PNPLA7: variants seen among roughly 807,000 people sequenced by gnomAD.
PNPLA7 encodes the protein patatin-like phospholipase domain-containing protein 7.
A neutral mutation model predicts 161.7 loss-of-function variants in PNPLA7; 153 were observed. The ratio of observed to expected loss-of-function variants is 0.95; its 90% CI spans 0.83 to 1.08. PNPLA7 has a LOEUF of 1.08. PNPLA7 is among the 50% of genes least tolerant of loss of function. The pLI, the probability that PNPLA7 is intolerant of heterozygous loss-of-function variation, is 0.00. For missense variants in PNPLA7, 1,739 were observed against 1,856.6 expected, an observed-to-expected ratio of 0.94 and a Z score of 1.16; for synonymous variants, 809 against 782.1, an observed-to-expected ratio of 1.03 and a Z score of -0.57.
intron 8 of PNPLA7, among the ~76,000 whole-genome samples, chr9:137,534,042 C>A (rs1436453282): frequency 6.6e-6 from 1 of 150,586 alleles, no homozygotes; most frequent in African/African-American, 2.4e-5. Flanking sequence ...CAGATGGGAG[C>A]ACCCCCAGAC....
At chr9:137,485,100 C>T (rs1832407984) in intron 20 of PNPLA7, among the ~76,000 whole-genome samples, 2 of 152,250 alleles carry the variant, frequency 1.3e-5, no homozygotes, top group African/African-American at 2.4e-5. Context: ...CTTGGTCTCA[C>T]GCCTTCCCCA....
In PNPLA7 at chr9:137,486,040, T is replaced by C. The variant is rs186775334; in HGVS notation, c.2198-1304A>G. On this transcript the variant is annotated intron_variant, in intron 20 of 34. Transcript: ENST00000406427. This position sits in a 1 kb window ranked among gnomAD's most constrained non-coding sequence, Gnocchi z 6.0. Reference sequence around the variant, plus strand: ...CCTGCCCACGAGGGTCTCCTGCATCTAGGTGCCGTGGATGCTCCTCCTCTG... The same window carrying C: ...CCTGCCCACGAGGGTCTCCTGCATCCAGGTGCCGTGGATGCTCCTCCTCTG... Among the ~76,000 whole-genome samples the C allele has an allele frequency of 1.7e-3, 252 of 151,872 alleles. No homozygotes were observed. The highest frequency in any genetic ancestry group is 5.7e-3 in the African/African-American group (235 of 41,394).
Position 137,460,763 on chromosome 9 carries a change from A to C in PNPLA7, c.3842-26T>G, listed in dbSNP as rs1181111598. 2.5e-6 allele frequency: 4 copies of C among 1,595,910 alleles called. No individual in the cohort carries two copies. In the African/African-American group the frequency reaches 4.0e-5, roughly 16 times the overall value. On this transcript the variant is annotated intron_variant, in intron 33 of 34. Transcript: ENST00000406427. ...CTGGCACCGAGGGTAGGGCTGCGTC[A>C]GTCCCCTCCCAAGGAAGGGACCGTA...
chr9:137,480,369 G>A lies in PNPLA7; in HGVS notation c.2523C>T (p.Arg841=), dbSNP rs1452051767. ...TLTPWTQRCV[R]QADCILIVGL... ...CCACGATGAGGATGCAGTCGGCCTG[G>A]CGCACGCAGCGCTGGGTCCAGGGTG... Residue 841 remains arginine (R), a synonymous_variant, in exon 23 of 35, where the codon CGC becomes CGT. Coordinates refer to ENST00000406427, the MANE Select transcript of PNPLA7 (RefSeq NM_001098537.3). The A allele has an allele frequency of 1.2e-6, 2 of 1,613,380 alleles. No homozygotes were observed. The highest frequency in any genetic ancestry group is 2.7e-5 in the African/African-American group (2 of 74,920).
chr9:137,521,215 T>C (rs1834974379), intron 10 of PNPLA7, among the ~76,000 whole-genome samples: 2 of 152,106 alleles, frequency 1.3e-5, no homozygotes, highest in Non-Finnish European at 2.9e-5. Context: ...GGAAGGAGCG[T>C]GTGTGTGGCT....
At chr9:137,521,219 T>G (rs1348105230) in intron 10 of PNPLA7, among the ~76,000 whole-genome samples, 1 of 152,134 alleles carries the variant, frequency 6.6e-6, no homozygotes, top group Non-Finnish European at 1.5e-5. Context: ...GGAGCGTGTG[T>G]GTGGCTGCCG....
chr9:137,500,557 G>T lies in PNPLA7; in HGVS notation c.1757+134C>A, dbSNP rs532660377. 73 of 833,586 alleles carry T rather than the reference G, an allele frequency of 8.8e-5. No homozygotes were observed. The East Asian group carries it at 1.9e-3, about 22-fold the overall frequency. 51.6% of individuals were successfully genotyped at this position (833,586 alleles called of 1,614,324 possible). ...GGCACAGACCTGGGCCCACACAGGT[G>T]CCGGGGACAAAGAGGGGAGCCCGAG... On this transcript the variant is annotated intron_variant, in intron 16 of 34. Coordinates refer to ENST00000406427, the MANE Select transcript of PNPLA7 (RefSeq NM_001098537.3). This position sits in a 1 kb window ranked among gnomAD's most constrained non-coding sequence, Gnocchi z 5.5.
intron 23 of PNPLA7, chr9:137,479,895 G>A (rs546901687): frequency 3.0e-6 from 3 of 985,370 alleles, no homozygotes; most frequent in African/African-American, 3.5e-5. Flanking sequence ...CAGAGGGTAA[G>A]GCATTCACAA....
In PNPLA7 at chr9:137,464,432, C is replaced by T. The variant is rs767903917; in HGVS notation, c.3064G>A (p.Ala1022Thr). Residue 1022 changes from alanine (A) to threonine (T), a missense_variant, in exon 27 of 35, where the codon GCG becomes ACG. Physicochemically the swap from Ala to Thr is moderately conservative, Grantham distance 58. Transcript: ENST00000406427. ...AEGMTSLMKA[A>T]LDLTYPITSM... The stretch of plus-strand genomic sequence containing the variant: ...GTGATGGGGTAGGTGAGGTCCAGCG[C>T]GGCCTTCATCAAGGACGTCATGCCC... The T allele has an allele frequency of 1.3e-5, 21 of 1,613,806 alleles. No individual in the cohort carries two copies. The highest frequency in any genetic ancestry group is 4.0e-5 in the African/African-American group (3 of 74,910).
At chr9:137,480,886 G>A in intron 22 of PNPLA7, 74 bp downstream of exon 22, 1 of 1,443,354 alleles carries the variant, frequency 6.9e-7, no homozygotes, top group East Asian at 2.5e-5. Flanking sequence ...TGCTGGATGT[G>A]GACACAGTGG....
At chr9:137,550,064 G>C in intron 1 of PNPLA7, 104 bp downstream of exon 1, 1 of 1,431,764 alleles carries the variant, frequency 7.0e-7, no homozygotes, top group South Asian at 1.1e-5. Flanking sequence ...AGAAGCCACG[G>C]GGCCAAAGAG....
chr9:137,548,867 G>A (rs1024608327), intron 1 of PNPLA7, among the ~76,000 whole-genome samples: 22 of 152,236 alleles, frequency 1.4e-4, no homozygotes, highest in African/African-American at 5.1e-4. Flanking sequence ...ACTTGGTTCA[G>A]AAGCAAATAC....
chr9:137,507,058 C>A (rs979794681), intron 12 of PNPLA7, among the ~76,000 whole-genome samples: 1 of 152,252 alleles, frequency 6.6e-6, no homozygotes, highest in African/African-American at 2.4e-5. Flanking sequence ...GGAAGCCAGA[C>A]ACAGAGAGCC....
At position 137,461,968 on chromosome 9, in the gene PNPLA7, C is replaced by T. The variant is rs1444788680; in HGVS notation, c.3719G>A (p.Arg1240His). 1.3e-6 allele frequency: 2 copies of T among 1,597,120 alleles called. No homozygotes were observed. The highest frequency in any genetic ancestry group is 1.7e-6 in the Non-Finnish European group (2 of 1,175,274). The change falls in exon 32 of 35, where the codon CGC becomes CAC. Residue 1240 changes from arginine (R) to histidine (H), a missense_variant. By Grantham distance (29) the Arg-to-His change is conservative. Coordinates refer to ENST00000406427, the MANE Select transcript of PNPLA7 (RefSeq NM_001098537.3). ...CTTCTTGCTCGGCCCCTGCTGGTCG[C>T]GGAGCATCTTCTCCAGCACGCCGCT... ...GRSGVLEKML[R>H]DQQGPSKKPA...
chr9:137,462,538 T>G, intron 30 of PNPLA7, 147 bp downstream of exon 30: 1 of 1,397,768 alleles, frequency 7.2e-7, no homozygotes, highest in Non-Finnish European at 9.5e-7. Flanking sequence ...TTCGCCCGAG[T>G]TGGGCTCAGG....
At position 137,500,234 on chromosome 9, in the gene PNPLA7, G is replaced by T. The variant is rs1833308479; in HGVS notation, c.1757+457C>A. ...AGTGGGGCTCCTCCCCCGAGCCAGA[G>T]ACGCGTCCTCACCCACTGCCTTGCC... On this transcript the variant is annotated intron_variant, in intron 16 of 34. Transcript: ENST00000406427. This position sits in a 1 kb window ranked among gnomAD's most constrained non-coding sequence, Gnocchi z 5.5. Among the ~76,000 whole-genome samples, 1 of 152,250 alleles carries T rather than the reference G, an allele frequency of 6.6e-6. No homozygotes were observed. Among genetic ancestry groups the T allele is most frequent in the Non-Finnish European group, 1.5e-5 (1 of 68,038 alleles).
At position 137,543,436 on chromosome 9, in the gene PNPLA7, C is replaced by T. The variant is rs200256242; in HGVS notation, c.502G>A (p.Val168Ile). The T allele has an allele frequency of 9.3e-6, 15 of 1,614,078 alleles. No homozygotes were observed. The highest frequency in any genetic ancestry group is 6.7e-5 in the African/African-American group (5 of 75,054). ...PSEVLYMLKNVRVLGHFEKPL... is the reference protein window; with the variant it reads ...PSEVLYMLKNIRVLGHFEKPL... ...GGGGCTCATCCCCGCTCTTACCGAA[C>T]GTTTTTCAGCATGTACAGAACTTCC... is the stretch of plus-strand genomic sequence containing the variant. Residue 168 changes from valine (V) to isoleucine (I), a missense_variant, in exon 6 of 35, where the codon GTT (valine) becomes ATT (isoleucine). Physicochemically the swap from Val to Ile is conservative, Grantham distance 29. Around this residue, in one of 6 missense-constraint regions of PNPLA7, gnomAD observed 209 missense variants for 252.8 expected, o/e 0.83. Coordinates refer to ENST00000406427, the MANE Select transcript of PNPLA7 (RefSeq NM_001098537.3). This position sits in a 1 kb window ranked among gnomAD's most constrained non-coding sequence, Gnocchi z 6.9.
chr9:137,544,299 G>T (rs938313354), intron 4 of PNPLA7, among the ~76,000 whole-genome samples: 1 of 152,150 alleles, frequency 6.6e-6, no homozygotes, highest in South Asian at 2.1e-4. Context: ...GAATAGCAGT[G>T]GCCTGGGTCA....
rs372067642 is a variant in PNPLA7 at position 137,505,764 on chromosome 9, G to T, written c.1327-4C>A. Reference sequence around the variant, plus strand: ...CAACCATCACGCTTTTCCTGGACTGGAGAAGAACGGAGATACCGGCAATTC... The same window carrying T: ...CAACCATCACGCTTTTCCTGGACTGTAGAAGAACGGAGATACCGGCAATTC... On this transcript the variant is annotated splice_polypyrimidine_tract_variant and splice_region_variant and intron_variant, in intron 13 of 34. Transcript: ENST00000406427. The T allele has an allele frequency of 6.2e-7, 1 of 1,613,520 alleles. No homozygotes were observed. Among genetic ancestry groups the T allele is most frequent in the South Asian group, 1.1e-5 (1 of 91,068 alleles).
Sources: gnomAD v4.1 joint callset for allele counts (sites outside exome capture counted in the v4.1 genomes callset) on GRCh38, gnomAD v4.1.1 for gene constraint, gnomAD v4.1.1 regional missense constraint, Gnocchi (gnomAD v3.1) non-coding constraint, MANE v1.5 for transcripts, NCBI Gene and HGNC (gene_info 2026-07-23, HGNC 2026-07-21) for gene names.